Variants in LRRC38 observed in about 807,000 individuals in gnomAD.
The protein encoded by LRRC38 is leucine-rich repeat-containing protein 38.
Under a neutral mutation model 16.4 loss-of-function variants are expected in LRRC38, and 5 were observed. The observed-to-expected ratio is 0.31, with a 90% confidence interval of 0.16 to 0.64. The LOEUF (loss-of-function observed/expected upper bound fraction) is 0.64. Ranked by LOEUF, LRRC38 falls within the 30% of genes least tolerant of loss-of-function variation. The pLI, the probability that LRRC38 is intolerant of heterozygous loss-of-function variation, is 0.80. For missense variants in LRRC38, 341 were observed against 401.8 expected (o/e 0.85, Z 1.29); for synonymous variants, 191 against 190.2 (o/e 1.00, Z -0.04).
intron 1 of LRRC38, among the ~76,000 whole-genome samples, chr1:13,497,342 G>A (rs1383523794): frequency 6.6e-6 from 1 of 152,096 alleles, no homozygotes. Flanking sequence ...ATATGGTCAG[G>A]TCACCTTGGA....
intron 1 of LRRC38, among the ~76,000 whole-genome samples, chr1:13,498,218 AC>A (rs1234867905): frequency 2.0e-5 from 3 of 148,198 alleles, no homozygotes; most frequent in African/African-American, 7.5e-5. Context: ...AGCAGAGACG[AC>A]CCCCAACCAA....
intron 1 of LRRC38, among the ~76,000 whole-genome samples, chr1:13,480,701 C>T (rs1271250545): frequency 6.6e-6 from 1 of 151,914 alleles, no homozygotes; most frequent in Non-Finnish European, 1.5e-5. Flanking sequence ...TGCGCTCTTG[C>T]CTGCCACCGT....
intron 1 of LRRC38, among the ~76,000 whole-genome samples, chr1:13,507,010 T>C (rs1444044449): frequency 2.0e-5 from 3 of 152,240 alleles, no homozygotes; most frequent in African/African-American, 4.8e-5. Context: ...CACTGTCTTA[T>C]GTTGTTCAGC....
At chr1:13,496,286 A>C (rs1359994816) in intron 1 of LRRC38, among the ~76,000 whole-genome samples, 1 of 152,162 alleles carries the variant, frequency 6.6e-6, no homozygotes, top group African/African-American at 2.4e-5. Flanking sequence ...CTCTTGCCTC[A>C]GCGTCCCAAG....
rs1424752625 is a variant in LRRC38, at chr1:13,513,293, T to C, written c.301A>G (p.Ser101Gly). 3 of 1,550,452 alleles carry C rather than the reference T, an allele frequency of 1.9e-6. No individual in the cohort carries two copies. Among genetic ancestry groups the C allele is most frequent in the Admixed American group, 2.0e-5 (1 of 50,970 alleles). ...AGGAACACGAGCTTGGCCGAGCCGC[T>C]GAACGTGCCCTCCTCCAGCGAGCGC... ...SLRSLEEGTFSGSAKLVFLDL... is the reference protein window; with the variant it reads ...SLRSLEEGTFGGSAKLVFLDL... Residue 101 changes from serine to glycine, a missense_variant, in exon 1 of 2, where the codon AGC becomes GGC. Coordinates refer to ENST00000376085, the MANE Select transcript of LRRC38 (RefSeq NM_001010847.2).
At chr1:13,496,830 CA>C (rs961091212) in intron 1 of LRRC38, among the ~76,000 whole-genome samples, 3 of 152,014 alleles carry the variant, frequency 2.0e-5, no homozygotes, top group African/African-American at 7.2e-5. Flanking sequence ...CGAAGAGGAG[CA>C]GGGGGACAGG....
intron 1 of LRRC38, among the ~76,000 whole-genome samples, chr1:13,504,764 GAAGGGAGGGA>G (rs1639190675): frequency 1.6e-5 from 1 of 63,254 alleles, no homozygotes; most frequent in African/African-American, 6.9e-5. Context: ...GAGGGGAGGG[GAAGGGAGGGA>G]AGGGGAGAGG....
At chr1:13,479,975 C>T (rs372205346) in intron 1 of LRRC38, among the ~76,000 whole-genome samples, 19 of 152,188 alleles carry the variant, frequency 1.2e-4, no homozygotes, top group African/African-American at 4.6e-4. Flanking sequence ...GTCCTGTGTC[C>T]TGTAGGATGT....
At chr1:13,501,596 T>TTTTG (rs146001643) in intron 1 of LRRC38, among the ~76,000 whole-genome samples, 65,584 of 116,392 alleles carry the variant, frequency 0.56, 20,121 homozygotes, top group Non-Finnish European at 0.71. Flanking sequence ...GTTTTTTGTT[T>TTTTG]TTTGTTTGTT....
At chr1:13,476,351 G>C (rs1160623807) in intron 1 of LRRC38, among the ~76,000 whole-genome samples, 1 of 149,374 alleles carries the variant, frequency 6.7e-6, no homozygotes, top group Admixed American at 6.7e-5. Context: ...TTTGTTTTTT[G>C]TTTTTGAGAC....
chr1:13,513,279 C>G lies in LRRC38; in HGVS notation c.315G>C (p.Lys105Asn), dbSNP rs759480827. The change falls in exon 1 of 2, where the codon AAG (lysine) becomes AAC (asparagine). Residue 105 changes from lysine (K) to asparagine (N), a missense_variant. Coordinates refer to ENST00000376085, the MANE Select transcript of LRRC38 (RefSeq NM_001010847.2). ...TGTAGCTGAGGTCGAGGAACACGAG[C>G]TTGGCCGAGCCGCTGAACGTGCCCT... ...LEEGTFSGSA[K>N]LVFLDLSYNN... 6.4e-7 allele frequency: 1 copy of G among 1,550,568 alleles called. No individual in the cohort carries two copies. Among genetic ancestry groups the G allele is most frequent in the South Asian group, 1.2e-5 (1 of 84,046 alleles).
intron 1 of LRRC38, among the ~76,000 whole-genome samples, chr1:13,489,760 C>T (rs1240204454): frequency 2.0e-5 from 3 of 152,192 alleles, no homozygotes; most frequent in African/African-American, 7.2e-5. Flanking sequence ...TTCTCCACCA[C>T]CACTTTCATT....
At chr1:13,510,248 G>C (rs1441762568) in intron 1 of LRRC38, among the ~76,000 whole-genome samples, 2 of 152,130 alleles carry the variant, frequency 1.3e-5, no homozygotes, top group Non-Finnish European at 2.9e-5. Flanking sequence ...CATGGAGCCT[G>C]GTTTTCTCCG....
intron 1 of LRRC38, among the ~76,000 whole-genome samples, chr1:13,480,718 C>T (rs148782858): frequency 3.2e-4 from 48 of 152,080 alleles, no homozygotes; most frequent in African/African-American, 1.0e-3. Context: ...CCGTGTAAGA[C>T]GTGAGTTTGC....
At chr1:13,488,554 G>A (rs1176256661) in intron 1 of LRRC38, among the ~76,000 whole-genome samples, 1 of 152,080 alleles carries the variant, frequency 6.6e-6, no homozygotes, top group Non-Finnish European at 1.5e-5. Flanking sequence ...TCAGGCCTGA[G>A]CCACCGTGAC....
intron 1 of LRRC38, among the ~76,000 whole-genome samples, chr1:13,507,933 TAAA>T (rs199692863): frequency 6.6e-6 from 1 of 150,836 alleles, no homozygotes; most frequent in East Asian, 1.9e-4. Flanking sequence ...TTCAGGGGTT[TAAA>T]AAAAAAGCAT....
chr1:13,510,019 G>C (rs890931045), intron 1 of LRRC38, among the ~76,000 whole-genome samples: 1 of 152,184 alleles, frequency 6.6e-6, no homozygotes, highest in Non-Finnish European at 1.5e-5. Flanking sequence ...TTCTCATGCA[G>C]GTGGTTCTCA....
intron 1 of LRRC38, among the ~76,000 whole-genome samples, chr1:13,499,883 T>C (rs1195756854): frequency 1.3e-5 from 2 of 152,114 alleles, no homozygotes; most frequent in African/African-American, 4.8e-5. Flanking sequence ...CCCAAATCAC[T>C]AAGCCAAAGG....
intron 1 of LRRC38, among the ~76,000 whole-genome samples, chr1:13,499,175 T>C (rs1054756800): frequency 6.6e-6 from 1 of 152,154 alleles, no homozygotes; most frequent in Non-Finnish European, 1.5e-5. Flanking sequence ...CGGCTCACTA[T>C]GCAACTTCCG....
Sources: gnomAD v4.1 joint callset for allele counts (sites outside exome capture counted in the v4.1 genomes callset) on GRCh38, gnomAD v4.1.1 for gene constraint, MANE v1.5 for transcripts, NCBI Gene and HGNC (gene_info 2026-07-23, HGNC 2026-07-21) for gene names.